UBASH3A: variants seen among roughly 807,000 people sequenced by gnomAD.
The protein encoded by UBASH3A is ubiquitin associated and SH3 domain containing A.
Under a neutral mutation model 73.5 loss-of-function variants are expected in UBASH3A, and 63 were observed. That is an observed-to-expected ratio of 0.86 (90% confidence interval 0.70 to 1.06). The LOEUF (loss-of-function observed/expected upper bound fraction) is 1.06, where lower values mean the gene tolerates loss of function less well. Among genes scored for constraint, UBASH3A ranks in the 50% least tolerant of loss-of-function variants. The pLI is 0.00. For synonymous variants in UBASH3A, 363 were observed against 351.1 expected (o/e 1.03, Z -0.38); for missense variants, 860 against 859.0 (o/e 1.00, Z -0.02).
intron 11 of UBASH3A, among the ~76,000 whole-genome samples, chr21:42,438,731 C>T (rs1360716774): frequency 6.6e-6 from 1 of 152,136 alleles, no homozygotes; most frequent in African/African-American, 2.4e-5. Context: ...CTGAGTGAGG[C>T]TCAAGGTCCA....
chr21:42,445,359 G>A (rs2053826666), intron 14 of UBASH3A, among the ~76,000 whole-genome samples: 1 of 152,258 alleles, frequency 6.6e-6, no homozygotes, highest in Non-Finnish European at 1.5e-5. Flanking sequence ...TGCCCAGGCA[G>A]CACGTGCAGC....
intron 5 of UBASH3A, 88 bp from the exon 6 acceptor site, chr21:42,416,354 T>G: frequency 7.2e-7 from 1 of 1,392,616 alleles, no homozygotes; most frequent in African/African-American, 1.5e-5. Context: ...TGAGAGCCCT[T>G]GCCTTGTGGA....
chr21:42,423,828 G>A (rs771978930), intron 7 of UBASH3A, among the ~76,000 whole-genome samples: 1 of 152,120 alleles, frequency 6.6e-6, no homozygotes, highest in Non-Finnish European at 1.5e-5. Context: ...TAGGTGCTGT[G>A]GGTTGTCTGA....
intron 13 of UBASH3A, among the ~76,000 whole-genome samples, chr21:42,443,644 T>G (rs1426454993): frequency 6.6e-6 from 1 of 150,472 alleles, no homozygotes; most frequent in Non-Finnish European, 1.5e-5. Context: ...CCCCCCATCC[T>G]GGGACTGAGT....
At chr21:42,444,495 G>T (rs35223581) in intron 13 of UBASH3A, 39 bp from the exon 14 acceptor site, 60,375 of 1,504,976 alleles carry the variant, frequency 0.04, 1,475 homozygotes, top group Middle Eastern at 0.087. Flanking sequence ...GGTGCTCTCT[G>T]GGGCTGCTTT....
intron 8 of UBASH3A, among the ~76,000 whole-genome samples, chr21:42,431,636 C>T (rs551505309): frequency 2.7e-4 from 41 of 152,330 alleles, no homozygotes; most frequent in Admixed American, 1.8e-3. Context: ...CATAAAAGGA[C>T]GGCCCCTCAA....
At chr21:42,404,219 C>T in intron 1 of UBASH3A, 161 bp downstream of exon 1, 1 of 399,608 alleles carries the variant, frequency 2.5e-6, no homozygotes, top group Non-Finnish European at 4.4e-6. Context: ...CCCTCTTCTG[C>T]TTCTCGTAAA....
intron 2 of UBASH3A, among the ~76,000 whole-genome samples, chr21:42,407,826 T>A (rs2053008818): frequency 6.6e-6 from 1 of 152,206 alleles, no homozygotes; most frequent in Non-Finnish European, 1.5e-5. Flanking sequence ...GGTTATGAAA[T>A]GGTTTTAAAA....
In UBASH3A at chr21:42,413,332, A is replaced by T. The variant is rs1483470600; in HGVS notation, c.554-78A>T. ...GGATGCAGTGGGTGGGTTCCAGGGG[A>T]GCAGAGCCCAGCAGCAATGGTGGGA... On this transcript the variant is annotated intron_variant, in intron 4 of 14. Coordinates refer to ENST00000319294, the MANE Select transcript of UBASH3A (RefSeq NM_018961.4). This position sits in a 1 kb window ranked among gnomAD's most constrained non-coding sequence, Gnocchi z 4.5. 6.5e-7 allele frequency: 1 copy of T among 1,533,078 alleles called. No individual in the cohort carries two copies. The highest frequency in any genetic ancestry group is 9.0e-7 in the Non-Finnish European group (1 of 1,115,632). The allele number at this position is 1,533,078 out of a possible 1,614,324, so 95.0% of individuals were successfully genotyped here.
chr21:42,422,424 C>G (rs2053352896), intron 7 of UBASH3A, among the ~76,000 whole-genome samples: 1 of 152,174 alleles, frequency 6.6e-6, no homozygotes, highest in African/African-American at 2.4e-5. Flanking sequence ...TCCAATACCC[C>G]CTGGATAGGC....
At chr21:42,408,287 T>A (rs764573257) in intron 2 of UBASH3A, among the ~76,000 whole-genome samples, 31 of 152,254 alleles carry the variant, frequency 2.0e-4, no homozygotes, top group Non-Finnish European at 5.9e-5. Context: ...TAGAAATTCT[T>A]CCAAACCATG....
chr21:42,405,981 A>T (rs1250728587), intron 1 of UBASH3A, among the ~76,000 whole-genome samples: 1 of 25,380 alleles, frequency 3.9e-5, no homozygotes, highest in Non-Finnish European at 6.3e-5. Context: ...TGATCTAGGC[A>T]GTGGGGGGGG....
chr21:42,433,680 A>G (rs883390), intron 9 of UBASH3A, among the ~76,000 whole-genome samples: 9,897 of 152,268 alleles, frequency 0.065, 568 homozygotes, highest in African/African-American at 0.15. Flanking sequence ...TAATGTTGGC[A>G]TTGAATAAAC....
intron 5 of UBASH3A, among the ~76,000 whole-genome samples, chr21:42,415,974 A>G (rs9976479): frequency 0.42 from 64,559 of 152,022 alleles, 13,934 homozygotes; most frequent in Middle Eastern, 0.48. Flanking sequence ...CTGAGGCTCA[A>G]CCACTCCCAG....
At chr21:42,425,085 A>T (rs1456002956) in intron 7 of UBASH3A, among the ~76,000 whole-genome samples, 1 of 152,156 alleles carries the variant, frequency 6.6e-6, no homozygotes, top group Non-Finnish European at 1.5e-5. Flanking sequence ...CGCCCCAGGA[A>T]ATGAACACAG....
intron 1 of UBASH3A, among the ~76,000 whole-genome samples, chr21:42,405,914 T>C (rs960387185): frequency 6.5e-5 from 8 of 122,748 alleles, no homozygotes; most frequent in African/African-American, 2.5e-4. Flanking sequence ...TCGCTGATGC[T>C]GGGGTGAGGA....
chr21:42,412,954 TATTA>T lies in UBASH3A; in HGVS notation c.355-64_355-61del. The T allele has an allele frequency of 3.9e-6, 5 of 1,283,954 alleles. No individual in the cohort carries two copies. In the Admixed American group the frequency reaches 5.8e-5, roughly 15 times the overall value. The allele number at this position is 1,283,954 out of a possible 1,614,324, so 79.5% of individuals were successfully genotyped here. On this transcript the variant is annotated intron_variant, in intron 3 of 14. Coordinates refer to ENST00000319294, the MANE Select transcript of UBASH3A (RefSeq NM_018961.4). ...CTCACTTTAATTGCTGCCTGATTGTTATTAATTAAATTAATAGATGACTTCTGAT... is the reference window on the plus strand; with the variant it reads ...CTCACTTTAATTGCTGCCTGATTGTTATTAAATTAATAGATGACTTCTGAT...
rs779446516 is a variant in UBASH3A at position 42,418,547 on chromosome 21, G to A, written c.984G>A (p.Arg328=). 16 of 1,614,082 alleles carry A rather than the reference G, an allele frequency of 9.9e-6. No homozygotes were observed. In the East Asian group the frequency reaches 3.1e-4, roughly 31 times the overall value. ...GGATCTCACAGCGGACGGGCTGCCG[G>A]GGCTTCCTGCCGGAAAACTACACGG... is the stretch of plus-strand genomic sequence containing the variant. ...VIGISQRTGC[R]GFLPENYTDR... is the part of the protein sequence containing the mutation. The change falls in exon 7 of 15, where the codon CGG becomes CGA. Residue 328 remains arginine (R), a synonymous_variant. Transcript: ENST00000319294.
At chr21:42,438,815 C>T (rs999154989) in intron 11 of UBASH3A, among the ~76,000 whole-genome samples, 1 of 151,898 alleles carries the variant, frequency 6.6e-6, no homozygotes, top group Non-Finnish European at 1.5e-5. Flanking sequence ...AATGACAAGT[C>T]CCAGGTGGAA....
Sources: gnomAD v4.1 joint callset for allele counts (sites outside exome capture counted in the v4.1 genomes callset) on GRCh38, gnomAD v4.1.1 for gene constraint, Gnocchi (gnomAD v3.1) non-coding constraint, MANE v1.5 for transcripts, NCBI Gene and HGNC (gene_info 2026-07-23, HGNC 2026-07-21) for gene names.